Variants in GPC5 observed in about 807,000 individuals in gnomAD.
GPC5 encodes the protein glypican-5.
In GPC5, 47 loss-of-function variants were observed where a neutral mutation model predicts 53.9. The observed-to-expected ratio is 0.87, with a 90% CI of 0.69 to 1.11. GPC5 has a LOEUF of 1.11. Ranked by LOEUF, GPC5 falls within the 50% of genes most tolerant of loss-of-function variation. GPC5 has a pLI of 0.00. For synonymous variants in GPC5, 286 were observed against 263.3 expected (o/e 1.09, Z -0.84); for missense variants, 748 against 713.1 (o/e 1.05, Z -0.56).
chr13:91,990,658 C>T (rs117392023), intron 6 of GPC5, among the ~76,000 whole-genome samples: 1 of 152,136 alleles, frequency 6.6e-6, no homozygotes, highest in East Asian at 1.9e-4. Context: ...CAACAAGTGC[C>T]GATGAGTTGG....
At chr13:91,439,973 GT>G (rs1314080593) in intron 1 of GPC5, among the ~76,000 whole-genome samples, 1 of 151,990 alleles carries the variant, frequency 6.6e-6, no homozygotes, top group Non-Finnish European at 1.5e-5. Context: ...CTCATCTCCT[GT>G]TTTTTCTCCC....
chr13:91,544,070 T>C (rs2030129477), intron 2 of GPC5, among the ~76,000 whole-genome samples: 1 of 152,034 alleles, frequency 6.6e-6, no homozygotes, highest in South Asian at 2.1e-4. Flanking sequence ...TTCTAGTACC[T>C]GAAATATCAG....
At chr13:91,485,257 G>T (rs1232532780) in intron 2 of GPC5, among the ~76,000 whole-genome samples, 2 of 147,536 alleles carry the variant, frequency 1.4e-5, no homozygotes, top group African/African-American at 5.1e-5. Flanking sequence ...TTGTCCCCCA[G>T]TCTGGAGTGC....
intron 7 of GPC5, among the ~76,000 whole-genome samples, chr13:92,217,116 C>T (rs995087336): frequency 6.6e-6 from 1 of 152,132 alleles, no homozygotes; most frequent in Non-Finnish European, 1.5e-5. Context: ...ATAGTGATGG[C>T]TTGTGCCTCA....
chr13:92,329,314 A>T (rs1345254538), intron 7 of GPC5, among the ~76,000 whole-genome samples: 1 of 152,146 alleles, frequency 6.6e-6, no homozygotes, highest in Non-Finnish European at 1.5e-5. Context: ...AAGCTAAAGC[A>T]GGTACATCAC....
intron 6 of GPC5, among the ~76,000 whole-genome samples, chr13:92,114,711 G>T (rs2041586809): frequency 6.6e-6 from 1 of 152,178 alleles, no homozygotes; most frequent in African/African-American, 2.4e-5. Context: ...TACAGAGATA[G>T]AGACTATATA....
chr13:92,708,911 C>T (rs1185951306), intron 7 of GPC5, among the ~76,000 whole-genome samples: 3 of 82,252 alleles, frequency 3.6e-5, no homozygotes, highest in Non-Finnish European at 5.0e-5. Context: ...GAGGCAGAGT[C>T]TAGCTCTGTT....
At chr13:92,787,876 C>CAAA (rs11346705) in intron 7 of GPC5, among the ~76,000 whole-genome samples, 1 of 85,978 alleles carries the variant, frequency 1.2e-5, no homozygotes, top group African/African-American at 5.3e-5. Flanking sequence ...GACCCTGTCT[C>CAAA]AAAAAAAAAA....
At chr13:92,527,140 GAA>G (rs1329511614) in intron 7 of GPC5, among the ~76,000 whole-genome samples, 4 of 114,016 alleles carry the variant, frequency 3.5e-5, no homozygotes, top group Non-Finnish European at 5.7e-5. Flanking sequence ...AAGAAAGAAA[GAA>G]AGAAAGAAAG....
intron 7 of GPC5, among the ~76,000 whole-genome samples, chr13:92,524,972 G>A (rs1224959557): frequency 6.6e-6 from 1 of 152,044 alleles, no homozygotes; most frequent in Non-Finnish European, 1.5e-5. Flanking sequence ...GGGTTTCTAA[G>A]TGTATTGAAA....
intron 2 of GPC5, among the ~76,000 whole-genome samples, chr13:91,687,220 A>G (rs2035642672): frequency 6.6e-6 from 1 of 151,982 alleles, no homozygotes; most frequent in South Asian, 2.1e-4. Flanking sequence ...TTCTCTCATT[A>G]CAAAAAGCCA....
intron 2 of GPC5, among the ~76,000 whole-genome samples, chr13:91,606,699 C>A (rs1320121286): frequency 6.7e-6 from 1 of 149,510 alleles, no homozygotes; most frequent in African/African-American, 2.4e-5. Context: ...TGTATGTGTC[C>A]AGGAATTTAT....
chr13:91,621,999 T>C (rs2033873428), intron 2 of GPC5, among the ~76,000 whole-genome samples: 1 of 151,794 alleles, frequency 6.6e-6, no homozygotes, highest in African/African-American at 2.4e-5. Flanking sequence ...GCTGAAGAAC[T>C]TGGAGTCCGA....
intron 7 of GPC5, among the ~76,000 whole-genome samples, chr13:92,608,787 A>G (rs958155936): frequency 5.9e-5 from 9 of 152,122 alleles, no homozygotes; most frequent in African/African-American, 2.2e-4. Context: ...GTTATACACA[A>G]TTGTCATGAT....
intron 6 of GPC5, among the ~76,000 whole-genome samples, chr13:92,045,013 T>A (rs115065861): frequency 3.5e-4 from 53 of 152,292 alleles, no homozygotes; most frequent in African/African-American, 1.2e-3. Flanking sequence ...ATATAGCAAG[T>A]CAGAGTGAGA....
intron 3 of GPC5, among the ~76,000 whole-genome samples, chr13:91,712,091 A>G (rs1244874880): frequency 6.6e-6 from 1 of 152,204 alleles, no homozygotes; most frequent in African/African-American, 2.4e-5. Flanking sequence ...TTGACCTCCT[A>G]AAAGTGGTTT....
chr13:92,384,137 TCACTCCAGGTTA>T (rs2043772932), intron 7 of GPC5, among the ~76,000 whole-genome samples: 1 of 151,764 alleles, frequency 6.6e-6, no homozygotes. Flanking sequence ...TTTTTTTTTT[TCACTCCAGGTTA>T]TTTTCGTTGC....
intron 7 of GPC5, among the ~76,000 whole-genome samples, chr13:92,291,647 AG>A (rs1375522929): frequency 6.6e-6 from 1 of 152,136 alleles, no homozygotes; most frequent in East Asian, 1.9e-4. Context: ...GCAACCCGCT[AG>A]GGTCCCCTTC....
chr13:91,815,084 A>G (rs1305388348), intron 5 of GPC5, among the ~76,000 whole-genome samples: 2 of 152,140 alleles, frequency 1.3e-5, no homozygotes. Context: ...TAAGGAAAGA[A>G]GCTGGGTATG....
Sources: allele counts gnomAD v4.1 joint callset (sites outside exome capture counted in the v4.1 genomes callset), GRCh38; gene constraint gnomAD v4.1.1; transcripts MANE v1.5; gene names NCBI Gene and HGNC (gene_info 2026-07-23, HGNC 2026-07-21).